ADAMTSL1: variants seen among roughly 807,000 people sequenced by gnomAD.
The protein encoded by ADAMTSL1 is ADAMTS-like protein 1.
A neutral mutation model predicts 201.8 loss-of-function variants in ADAMTSL1; 126 were observed. The ratio of observed to expected loss-of-function variants is 0.62; its 90% CI spans 0.54 to 0.72. The LOEUF is 0.72. Ranked by LOEUF, ADAMTSL1 falls within the 30% of genes least tolerant of loss-of-function variation. The pLI, the probability that ADAMTSL1 is intolerant of heterozygous loss-of-function variation, is 0.00. For synonymous variants in ADAMTSL1, 1,121 were observed against 903.4 expected (o/e 1.24, Z -4.32); for missense variants, 2,679 against 2,277.8 (o/e 1.18, Z -3.59).
At chr9:18,360,687 G>A (rs149092637) in intron 2 of ADAMTSL1, 1 of 152,302 alleles carries the variant, frequency 6.6e-6, no homozygotes, top group Non-Finnish European at 1.5e-5. Flanking sequence ...GCAGATGTCA[G>A]TAGCACTCCT....
At chr9:18,079,273 A>G (rs146172146) in intron 1 of ADAMTSL1, among the ~76,000 whole-genome samples, 189 of 152,292 alleles carry the variant, frequency 1.2e-3, no homozygotes, top group South Asian at 0.011. Flanking sequence ...ACTCTTTTTG[A>G]AGATTTATAT....
At chr9:18,260,114 C>T (rs900928380) in intron 2 of ADAMTSL1, among the ~76,000 whole-genome samples, 1 of 152,186 alleles carries the variant, frequency 6.6e-6, no homozygotes, top group Non-Finnish European at 1.5e-5. Context: ...ATTGTTTATC[C>T]TTGGGAAAGC....
chr9:18,569,444 G>A (rs1047827445), intron 3 of ADAMTSL1, among the ~76,000 whole-genome samples: 11 of 152,148 alleles, frequency 7.2e-5, no homozygotes, highest in African/African-American at 2.7e-4. Flanking sequence ...CTTTTATAGT[G>A]AGGAAGCCTT....
chr9:18,250,807 C>G (rs976660865), intron 2 of ADAMTSL1, among the ~76,000 whole-genome samples: 1 of 152,134 alleles, frequency 6.6e-6, no homozygotes, highest in Non-Finnish European at 1.5e-5. Context: ...TGAATGAATT[C>G]CTTGCAGATG....
chr9:18,034,190 T>A (rs1821095863), intron 1 of ADAMTSL1, among the ~76,000 whole-genome samples: 1 of 152,158 alleles, frequency 6.6e-6, no homozygotes, highest in Non-Finnish European at 1.5e-5. Flanking sequence ...CTTAACACTT[T>A]TTCTCACCCT....
intron 2 of ADAMTSL1, among the ~76,000 whole-genome samples, chr9:18,336,246 G>A (rs1401096738): frequency 6.6e-6 from 1 of 151,868 alleles, no homozygotes; most frequent in East Asian, 1.9e-4. Context: ...CAAAATTTAA[G>A]TAGCTTGTAA....
At chr9:18,420,288 T>C (rs1403879664) in intron 2 of ADAMTSL1, among the ~76,000 whole-genome samples, 1 of 152,126 alleles carries the variant, frequency 6.6e-6, no homozygotes, top group Non-Finnish European at 1.5e-5. Context: ...GTTATCCATA[T>C]AGGAGGGGAT....
intron 1 of ADAMTSL1, among the ~76,000 whole-genome samples, chr9:18,159,152 T>C (rs1170472437): frequency 4.6e-5 from 7 of 152,082 alleles, no homozygotes; most frequent in Non-Finnish European, 8.8e-5. Context: ...ATTATTCTGA[T>C]CTACTGAGAA....
chr9:18,022,348 G>A (rs947920), intron 1 of ADAMTSL1, among the ~76,000 whole-genome samples: 9,954 of 152,180 alleles, frequency 0.065, 649 homozygotes, highest in African/African-American at 0.17. Flanking sequence ...GTCCTGTATT[G>A]TTCTCCCTTT....
chr9:18,345,909 C>T (rs1408640598), intron 2 of ADAMTSL1, among the ~76,000 whole-genome samples: 1 of 151,956 alleles, frequency 6.6e-6, no homozygotes, highest in Non-Finnish European at 1.5e-5. Flanking sequence ...CATGGAGATC[C>T]ACTCAAGGAC....
chr9:18,548,902 T>G (rs1430848920), intron 3 of ADAMTSL1, among the ~76,000 whole-genome samples: 1 of 151,852 alleles, frequency 6.6e-6, no homozygotes, highest in African/African-American at 2.4e-5. Flanking sequence ...CCAAACAAGA[T>G]GCAGAATCAG....
At chr9:18,590,598 G>T (rs1035906539) in intron 4 of ADAMTSL1, among the ~76,000 whole-genome samples, 2 of 151,696 alleles carry the variant, frequency 1.3e-5, no homozygotes, top group Non-Finnish European at 2.9e-5. Context: ...TCCTTGAGAT[G>T]CATCATTAGG....
chr9:18,348,215 T>C (rs1263981923), intron 2 of ADAMTSL1, among the ~76,000 whole-genome samples: 1 of 152,190 alleles, frequency 6.6e-6, no homozygotes, highest in Non-Finnish European at 1.5e-5. Flanking sequence ...TTTAGTTAAC[T>C]TGGATGGTTA....
At chr9:18,283,694 C>T (rs1349177207) in intron 2 of ADAMTSL1, among the ~76,000 whole-genome samples, 7 of 147,526 alleles carry the variant, frequency 4.7e-5, no homozygotes, top group South Asian at 2.1e-4. Context: ...AGGCAGATCA[C>T]GAGGTCAGGA....
intron 2 of ADAMTSL1, among the ~76,000 whole-genome samples, chr9:18,338,077 A>G (rs771058513): frequency 6.6e-6 from 1 of 152,130 alleles, no homozygotes; most frequent in African/African-American, 2.4e-5. Flanking sequence ...GATTACTTTC[A>G]CTGTGAATAC....
intron 2 of ADAMTSL1, among the ~76,000 whole-genome samples, chr9:18,304,247 G>A (rs377632103): frequency 2.0e-5 from 3 of 151,830 alleles, no homozygotes; most frequent in Non-Finnish European, 2.9e-5. Context: ...TTGAAGTGAC[G>A]GTGGCAAGAA....
chr9:18,587,256 C>G (rs1823563811), intron 4 of ADAMTSL1, among the ~76,000 whole-genome samples: 1 of 151,710 alleles, frequency 6.6e-6, no homozygotes, highest in African/African-American at 2.4e-5. Context: ...GTTTATAAAA[C>G]AAACCACCCC....
At chr9:18,831,503 A>G (rs925436345) in intron 23 of ADAMTSL1, among the ~76,000 whole-genome samples, 6 of 152,158 alleles carry the variant, frequency 3.9e-5, no homozygotes, top group African/African-American at 1.2e-4. Context: ...TAGCCTGTTC[A>G]TATTTTTTCA....
At chr9:18,072,274 A>G (rs1273442866) in intron 1 of ADAMTSL1, among the ~76,000 whole-genome samples, 1 of 152,236 alleles carries the variant, frequency 6.6e-6, no homozygotes, top group Non-Finnish European at 1.5e-5. Context: ...TATGCGAAAC[A>G]TGATTTTATG....
Sources: gnomAD v4.1 joint callset for allele counts (sites outside exome capture counted in the v4.1 genomes callset) on GRCh38, gnomAD v4.1.1 for gene constraint, MANE v1.5 for transcripts, NCBI Gene and HGNC (gene_info 2026-07-23, HGNC 2026-07-21) for gene names.